RGS22: variants seen among roughly 807,000 people sequenced by gnomAD.
RGS22 encodes regulator of G-protein signaling 22.
RGS22 carries 148 observed loss-of-function variants against 172.9 expected under a neutral mutation model. The ratio of observed to expected loss-of-function variants is 0.86; its 90% CI spans 0.75 to 0.98. The LOEUF is 0.98. RGS22 is among the 50% of genes least tolerant of loss of function. RGS22 has a pLI of 0.00. For missense variants in RGS22, 1,347 were observed against 1,440.8 expected (o/e 0.93, Z 1.05); for synonymous variants, 458 against 480.2 (o/e 0.95, Z 0.60).
At chr8:100,104,699 A>G (rs79434222) in intron 2 of RGS22, among the ~76,000 whole-genome samples, 1 of 152,348 alleles carries the variant, frequency 6.6e-6, no homozygotes, top group Non-Finnish European at 1.5e-5. Flanking sequence ...TAATTAGCCA[A>G]CAAGAGAAGT....
chr8:100,036,643 G>T (rs1449479119), intron 14 of RGS22, among the ~76,000 whole-genome samples: 1 of 152,188 alleles, frequency 6.6e-6, no homozygotes, highest in Non-Finnish European at 1.5e-5. Flanking sequence ...CTGCCACCCA[G>T]ACTGGAGAGT....
chr8:100,103,895 T>C (rs932212629), intron 2 of RGS22, among the ~76,000 whole-genome samples: 27 of 152,198 alleles, frequency 1.8e-4, no homozygotes, highest in African/African-American at 6.5e-4. Flanking sequence ...AAACAGTAAG[T>C]GGCGTGTTGT....
At chr8:99,999,450 A>G in intron 18 of RGS22, 30 bp from the exon 19 acceptor site, 3 of 1,605,714 alleles carry the variant, frequency 1.9e-6, no homozygotes, top group Non-Finnish European at 2.6e-6. Context: ...AACAGAAACT[A>G]TTGTGCTTTC....
chr8:100,014,931 T>C (rs1816791300), intron 14 of RGS22, among the ~76,000 whole-genome samples: 1 of 152,222 alleles, frequency 6.6e-6, no homozygotes, highest in African/African-American at 2.4e-5. Context: ...ATGGACCCTG[T>C]ACTTTTATGT....
intron 20 of RGS22, among the ~76,000 whole-genome samples, chr8:99,989,105 T>C (rs564642978): frequency 6.6e-6 from 1 of 152,180 alleles, no homozygotes; most frequent in South Asian, 2.1e-4. Context: ...AAAACAAACA[T>C]TAAAAAAGTT....
intron 14 of RGS22, among the ~76,000 whole-genome samples, chr8:100,008,811 A>T (rs1180789815): frequency 6.6e-6 from 1 of 152,218 alleles, no homozygotes; most frequent in Non-Finnish European, 1.5e-5. Context: ...AGATTACAAA[A>T]ATCTGAGGAA....
chr8:99,999,634 GA>G (rs761100791), intron 18 of RGS22, among the ~76,000 whole-genome samples: 1 of 152,164 alleles, frequency 6.6e-6, no homozygotes, highest in Non-Finnish European at 1.5e-5. Flanking sequence ...TTAGATGTAT[GA>G]TTTGTGCTTA....
At chr8:100,001,318 C>A (rs761506233) in intron 18 of RGS22, among the ~76,000 whole-genome samples, 11 of 149,994 alleles carry the variant, frequency 7.3e-5, no homozygotes, top group Non-Finnish European at 1.6e-4. Context: ...CTCACTGCAA[C>A]CTCTGCCTCC....
At position 100,007,774 on chromosome 8, in the gene RGS22, G is replaced by A. The variant is rs534979996; in HGVS notation, c.2361+601C>T. 4.7e-5 allele frequency among the ~76,000 whole-genome samples: 7 copies of A among 148,012 alleles called. No homozygotes were observed. The South Asian group carries it at 8.5e-4, about 18-fold the overall frequency. ...TTCGTTAGACAACAATAAGAAAACC[G>A]GCAAAAAAAAAAGAAAAAAAAAATC... is the stretch of plus-strand genomic sequence containing the variant. On this transcript the variant is annotated intron_variant, in intron 15 of 27. Transcript: ENST00000360863.
chr8:100,053,626 C>T (rs1040898693), intron 9 of RGS22, among the ~76,000 whole-genome samples: 3 of 152,094 alleles, frequency 2.0e-5, no homozygotes, highest in Non-Finnish European at 4.4e-5. Context: ...ATAAAATTAA[C>T]GTTTAAAACA....
At chr8:100,096,517 CAAAAT>C (rs965341709) in intron 2 of RGS22, among the ~76,000 whole-genome samples, 1 of 151,882 alleles carries the variant, frequency 6.6e-6, no homozygotes, top group African/African-American at 2.4e-5. Context: ...AGAGGGTTAA[CAAAAT>C]AGTTTATGTG....
chr8:100,002,489 G>T, intron 17 of RGS22, 125 bp from the exon 18 acceptor site: 1 of 813,962 alleles, frequency 1.2e-6, no homozygotes, highest in Non-Finnish European at 1.9e-6. Flanking sequence ...ATTAGATCAT[G>T]GAAATAACGA....
In RGS22 at chr8:100,038,921, T is replaced by G; in HGVS notation, c.2166+10A>C. The G allele has an allele frequency of 6.4e-7, 1 of 1,566,274 alleles. No homozygotes were observed. Among genetic ancestry groups the G allele is most frequent in the Middle Eastern group, 1.7e-4 (1 of 5,940 alleles). On this transcript the variant is annotated intron_variant, in intron 14 of 27. Transcript: ENST00000360863. Reference sequence around the variant, plus strand: ...TGCTTCACATTGAACCAATATTATTTACTACGTACTTGCGCTTGCTTGCAT... The same window carrying G: ...TGCTTCACATTGAACCAATATTATTGACTACGTACTTGCGCTTGCTTGCAT...
At chr8:100,078,351 G>T (rs1266625771) in intron 4 of RGS22, among the ~76,000 whole-genome samples, 4 of 151,414 alleles carry the variant, frequency 2.6e-5, no homozygotes, top group Admixed American at 2.0e-4. Context: ...TGATCCTCCT[G>T]CCTCAGCCTC....
chr8:100,026,799 C>T (rs1818226729), intron 14 of RGS22, among the ~76,000 whole-genome samples: 2 of 151,888 alleles, frequency 1.3e-5, no homozygotes, highest in Admixed American at 6.6e-5. Context: ...GCTTTTGGCT[C>T]AAAAATGAGA....
At chr8:100,072,733 T>C (rs1389283796) in intron 4 of RGS22, among the ~76,000 whole-genome samples, 1 of 152,180 alleles carries the variant, frequency 6.6e-6, no homozygotes, top group Non-Finnish European at 1.5e-5. Context: ...ACAATGATAG[T>C]AGAGTGTTAC....
Position 99,961,078 on chromosome 8 carries a change from C to A in RGS22, c.*164G>T. On this transcript the variant is annotated 3_prime_UTR_variant, in exon 28 of 28. Transcript: ENST00000360863. ...CAAGCCAAATTTTCTTTATTTATTT[C>A]CCACCTGGAAAATCCAGAATCAAAC... 1 of 382,732 alleles carries A rather than the reference C, an allele frequency of 2.6e-6. No individual in the cohort carries two copies. The highest frequency in any genetic ancestry group is 2.0e-5 in the South Asian group (1 of 49,764). 23.7% of individuals were successfully genotyped at this position (382,732 alleles called of 1,614,324 possible). A position where few individuals can be genotyped will look rare whatever the true frequency, so the allele number is the denominator to read the frequency against.
intron 2 of RGS22, among the ~76,000 whole-genome samples, chr8:100,096,533 T>C (rs1812980454): frequency 1.3e-5 from 2 of 152,168 alleles, no homozygotes; most frequent in Admixed American, 1.3e-4. Flanking sequence ...AGTTTATGTG[T>C]GCTTGCTAAT....
At chr8:99,963,615 A>T (rs1225977686) in intron 24 of RGS22, among the ~76,000 whole-genome samples, 2 of 152,204 alleles carry the variant, frequency 1.3e-5, no homozygotes, top group African/African-American at 2.4e-5. Context: ...AAATATTTTT[A>T]AAAATCAACA....
Sources: allele counts gnomAD v4.1 joint callset (sites outside exome capture counted in the v4.1 genomes callset), GRCh38; gene constraint gnomAD v4.1.1; transcripts MANE v1.5; gene names NCBI Gene and HGNC (gene_info 2026-07-23, HGNC 2026-07-21).